Variants in PTPN9 observed in about 807,000 individuals in gnomAD.
PTPN9 encodes the protein tyrosine-protein phosphatase non-receptor type 9.
A neutral mutation model predicts 69.8 loss-of-function variants in PTPN9; 26 were observed. That is an observed-to-expected ratio of 0.37 (90% CI 0.27 to 0.52). The LOEUF is 0.52. Among genes scored for constraint, PTPN9 ranks in the 20% least tolerant of loss-of-function variants. The pLI is 0.91. For synonymous variants in PTPN9, 274 were observed against 272.5 expected, an observed-to-expected ratio of 1.01 and a Z score of -0.05; for missense variants, 549 against 740.3, an observed-to-expected ratio of 0.74 and a Z score of 3.00.
At chr15:75,496,791 G>A (rs2074745041) in intron 7 of PTPN9, among the ~76,000 whole-genome samples, 1 of 152,126 alleles carries the variant, frequency 6.6e-6, no homozygotes, top group African/African-American at 2.4e-5. Context: ...ACAGGCATGA[G>A]CCACTGTGCC....
chr15:75,526,183 G>A (rs555734195), intron 2 of PTPN9, among the ~76,000 whole-genome samples: 24 of 151,870 alleles, frequency 1.6e-4, no homozygotes, highest in East Asian at 5.8e-4. Flanking sequence ...GTAGAGATGC[G>A]GTTTTGCCAT....
chr15:75,502,318 G>A (rs1488406201), intron 7 of PTPN9, among the ~76,000 whole-genome samples: 9 of 151,990 alleles, frequency 5.9e-5, no homozygotes, highest in Admixed American at 2.6e-4. Context: ...ATGGTGGTGC[G>A]CGCCTATAAT....
At chr15:75,534,333 G>T (rs1439796159) in intron 1 of PTPN9, among the ~76,000 whole-genome samples, 1 of 152,040 alleles carries the variant, frequency 6.6e-6, no homozygotes, top group Non-Finnish European at 1.5e-5. Context: ...CTGTATCAAT[G>T]CAATCTCTCT....
chr15:75,503,855 A>G (rs1483285147), intron 7 of PTPN9, among the ~76,000 whole-genome samples: 14 of 45,570 alleles, frequency 3.1e-4, no homozygotes, highest in East Asian at 8.1e-4. Context: ...GAGGGAGGTG[A>G]GGGGGGGTCA....
chr15:75,505,668 T>A lies in PTPN9; in HGVS notation c.968+7A>T, dbSNP rs916460572. The stretch of plus-strand genomic sequence containing the variant: ...ACCAGCTGCTGGCCCAAACTTTTTC[T>A]ACTTACATGGAACAGTGGAAAGTGC... On this transcript the variant is annotated splice_region_variant and intron_variant, in intron 7 of 12. Transcript: ENST00000618819. 3 of 1,604,532 alleles carry A rather than the reference T, an allele frequency of 1.9e-6. No homozygotes were observed. Among genetic ancestry groups the A allele is most frequent in the Non-Finnish European group, 2.6e-6 (3 of 1,173,622 alleles).
At chr15:75,553,080 G>A (rs961187064) in intron 1 of PTPN9, among the ~76,000 whole-genome samples, 23 of 151,778 alleles carry the variant, frequency 1.5e-4, no homozygotes, top group Non-Finnish European at 4.4e-5. Context: ...TTATAAAACG[G>A]GGGTAATACT....
intron 7 of PTPN9, among the ~76,000 whole-genome samples, chr15:75,504,692 G>A (rs1471979555): frequency 2.7e-5 from 4 of 146,498 alleles, no homozygotes; most frequent in African/African-American, 7.6e-5. Flanking sequence ...GGGAGGTGGG[G>A]GGGTCAGCCC....
intron 1 of PTPN9, among the ~76,000 whole-genome samples, chr15:75,565,150 T>TAA (rs56761546): frequency 7.0e-6 from 1 of 143,504 alleles, no homozygotes; most frequent in African/African-American, 2.6e-5. Context: ...ATAATAATAA[T>TAA]TTTTTAAAAG....
At chr15:75,565,013 A>C (rs1026393654) in intron 1 of PTPN9, among the ~76,000 whole-genome samples, 2 of 151,464 alleles carry the variant, frequency 1.3e-5, no homozygotes, top group African/African-American at 4.8e-5. Context: ...AGGCAGGAGA[A>C]CTGCTTGAAC....
At chr15:75,552,328 A>T (rs946453817) in intron 1 of PTPN9, among the ~76,000 whole-genome samples, 1 of 152,106 alleles carries the variant, frequency 6.6e-6, no homozygotes, top group Non-Finnish European at 1.5e-5. Context: ...AATCACTTGA[A>T]CCCAGGAGGC....
intron 1 of PTPN9, among the ~76,000 whole-genome samples, chr15:75,568,348 A>C (rs774749905): frequency 5.8e-4 from 88 of 150,994 alleles, no homozygotes; most frequent in Non-Finnish European, 1.2e-3. Context: ...AAAAATAAAA[A>C]ATCTAACTGG....
intron 5 of PTPN9, among the ~76,000 whole-genome samples, chr15:75,512,292 C>T (rs1379972514): frequency 6.6e-6 from 1 of 151,594 alleles, no homozygotes; most frequent in Non-Finnish European, 1.5e-5. Flanking sequence ...AGCCTCATAT[C>T]CTGGGCTCAA....
intron 7 of PTPN9, among the ~76,000 whole-genome samples, chr15:75,495,137 T>G (rs936053635): frequency 6.6e-6 from 1 of 152,166 alleles, no homozygotes; most frequent in African/African-American, 2.4e-5. Context: ...ATAAAGTTAT[T>G]TCTAACCTAG....
In PTPN9 at chr15:75,544,205, A is replaced by G. The variant is rs115731238; in HGVS notation, c.64-16944T>C. On this transcript the variant is annotated intron_variant, in intron 1 of 12. Transcript: ENST00000618819. The stretch of plus-strand genomic sequence containing the variant: ...GTTGAGAGGCAGAATATAACACAGA[A>G]GAGAAACGGAAAAAAACGAAACCTG... 2.7e-3 allele frequency among the ~76,000 whole-genome samples: 404 copies of G among 152,298 alleles called. 2 individuals carry two copies. The highest frequency in any genetic ancestry group is 9.2e-3 in the African/African-American group (382 of 41,558).
chr15:75,510,312 C>T (rs2074839495), intron 5 of PTPN9, among the ~76,000 whole-genome samples: 1 of 152,146 alleles, frequency 6.6e-6, no homozygotes, highest in African/African-American at 2.4e-5. Context: ...GTGGCACAAT[C>T]GCCACTCACT....
chr15:75,523,276 A>C, intron 3 of PTPN9, 31 bp from the exon 4 acceptor site: 1 of 1,606,328 alleles, frequency 6.2e-7, no homozygotes, highest in Non-Finnish European at 8.5e-7. Flanking sequence ...AACATTAAAA[A>C]AATCAAATAG....
chr15:75,504,329 T>G (rs1472900435), intron 7 of PTPN9, among the ~76,000 whole-genome samples: 7 of 102,796 alleles, frequency 6.8e-5, no homozygotes, highest in African/African-American at 2.7e-4. Context: ...CCGCCCCTAC[T>G]GGGAAGTGAG....
At chr15:75,470,364 C>T (rs1047916931) in intron 11 of PTPN9, among the ~76,000 whole-genome samples, 12 of 152,194 alleles carry the variant, frequency 7.9e-5, no homozygotes, top group African/African-American at 2.9e-4. Context: ...ACTGTGTTGC[C>T]TAGATTATCT....
chr15:75,467,718 T>G lies in PTPN9; in HGVS notation c.*1051A>C, dbSNP rs1011166806. 6.6e-6 allele frequency: 1 copy of G among 152,614 alleles called. No individual in the cohort carries two copies. The highest frequency in any genetic ancestry group is 2.4e-5 in the African/African-American group (1 of 41,426). 9.5% of individuals were successfully genotyped at this position (152,614 alleles called of 1,614,324 possible). On this transcript the variant is annotated 3_prime_UTR_variant, in exon 13 of 13. Transcript: ENST00000618819. The stretch of plus-strand genomic sequence containing the variant: ...GGGCTCCCCCTCCTTCCTTCTAAGA[T>G]TCGTACCGATTGCATTTGGCTCTGG...
Sources: gnomAD v4.1 joint callset for allele counts (sites outside exome capture counted in the v4.1 genomes callset) on GRCh38, gnomAD v4.1.1 for gene constraint, MANE v1.5 for transcripts, NCBI Gene and HGNC (gene_info 2026-07-23, HGNC 2026-07-21) for gene names.